The following CLCNKA variants were observed in gnomAD, a reference collection of about 807,000 sequenced individuals.
The protein encoded by CLCNKA is chloride voltage-gated channel Ka, also known as chloride channel protein ClC-Ka.
Under a neutral mutation model 83.3 loss-of-function variants are expected in CLCNKA, and 66 were observed. The observed-to-expected ratio is 0.79, with a 90% CI of 0.65 to 0.97. The LOEUF (loss-of-function observed/expected upper bound fraction) is 0.97, where lower values mean the gene tolerates loss of function less well. CLCNKA is among the 50% of genes least tolerant of loss of function. CLCNKA has a pLI of 0.00. For missense variants in CLCNKA, 806 were observed against 888.7 expected (o/e 0.91, Z 1.18); for synonymous variants, 357 against 370.4 (o/e 0.96, Z 0.42).
chr1:16,027,000 G>A (rs1273597698), intron 7 of CLCNKA: 1 of 658,194 alleles, frequency 1.5e-6, no homozygotes, highest in East Asian at 2.7e-5. Flanking sequence ...ACATTACACA[G>A]ACTTGGGTTT....
In CLCNKA at chr1:16,028,026, G is replaced by A. The variant is rs755086597; in HGVS notation, c.875G>A (p.Cys292Tyr). The A allele has an allele frequency of 1.9e-6, 3 of 1,613,734 alleles. No homozygotes were observed. The highest frequency in any genetic ancestry group is 2.5e-6 in the Non-Finnish European group (3 of 1,179,866). The change falls in exon 10 of 20, where the codon TGC (cysteine) becomes TAC (tyrosine). Residue 292 changes from cysteine (C) to tyrosine (Y), a missense_variant. Cys to Tyr is a radical substitution (Grantham distance 194, BLOSUM62 -2). Transcript: ENST00000331433. Reference sequence around the variant, plus strand: ...CTCCCTTCACCCCGCAGTGGCATCTGCGGCGTCCTGAGCTGTGCTTACCTC... The same window carrying A: ...CTCCCTTCACCCCGCAGTGGCATCTACGGCGTCCTGAGCTGTGCTTACCTC... ...IFFFVALGGI[C>Y]GVLSCAYLFC...
chr1:16,024,684 C>G lies in CLCNKA; in HGVS notation c.230-79C>G, dbSNP rs1251840218. 19 of 1,591,106 alleles carry G rather than the reference C, an allele frequency of 1.2e-5. No individual in the cohort carries two copies. The Admixed American group carries it at 1.9e-4, about 16-fold the overall frequency. ...CCTCTTCGTGACTCCATTTCCTGGTCAGTAAGTGGGCACCACAGTGTCTGG... is the reference window on the plus strand; with the variant it reads ...CCTCTTCGTGACTCCATTTCCTGGTGAGTAAGTGGGCACCACAGTGTCTGG... On this transcript the variant is annotated intron_variant, in intron 3 of 19. Transcript: ENST00000331433.
At position 16,026,554 on chromosome 1, in the gene CLCNKA, T is replaced by A; in HGVS notation, c.517T>A (p.Ser173Thr). The A allele has an allele frequency of 6.2e-7, 1 of 1,613,964 alleles. No homozygotes were observed. The highest frequency in any genetic ancestry group is 8.5e-7 in the Non-Finnish European group (1 of 1,180,002). ...TCTGCAGGGCCCTTTCGTGCACCTG[T>A]CTGTAATGATCGCTGCCTACCTGGG... is the stretch of plus-strand genomic sequence containing the variant. ...LGKVGPFVHL[S>T]VMIAAYLGRV... The change falls in exon 6 of 20, where the codon TCT (serine) becomes ACT (threonine). Residue 173 changes from serine to threonine, a missense_variant. Ser to Thr is a moderately conservative substitution (Grantham distance 58, BLOSUM62 1). Coordinates refer to ENST00000331433, the MANE Select transcript of CLCNKA (RefSeq NM_004070.4).
intron 1 of CLCNKA, among the ~76,000 whole-genome samples, chr1:16,022,317 A>T (rs1437665834): frequency 6.6e-6 from 1 of 152,132 alleles, no homozygotes; most frequent in Non-Finnish European, 1.5e-5. Context: ...GACTGCTCCC[A>T]GTAGTGGAAG....
Position 16,027,871 on chromosome 1 carries a change from G to C in CLCNKA, c.832G>C (p.Asp278His), listed in dbSNP as rs771717536. The C allele has an allele frequency of 6.2e-7, 1 of 1,613,478 alleles. No individual in the cohort carries two copies. The highest frequency in any genetic ancestry group is 8.5e-7 in the Non-Finnish European group (1 of 1,179,796). The change falls in exon 9 of 20, where the codon GAC (aspartate) becomes CAC (histidine). Residue 278 changes from aspartate (D) to histidine (H), a missense_variant. Physicochemically the swap from Asp to His is moderately conservative, Grantham distance 81. Transcript: ENST00000331433. ...CAGTTTCCGGGTGGACGTTCCCTTC[G>C]ACCTGCCTGAGATCTTCTTTTTTGT... is the stretch of plus-strand genomic sequence containing the variant. ...KTSFRVDVPF[D>H]LPEIFFFVAL... is the part of the protein sequence containing the mutation.
rs367945219 is a variant in CLCNKA, at chr1:16,024,008, G to A, written c.229+80G>A. On this transcript the variant is annotated intron_variant, in intron 3 of 19. Transcript: ENST00000331433. ...GGGGATACCAGATGGGCCACCAAGT[G>A]CAGCGGTGCAGGGACGGACCTGGGT... 3.8e-6 allele frequency: 6 copies of A among 1,559,958 alleles called. No homozygotes were observed. In the South Asian group the frequency reaches 6.7e-5, roughly 17 times the overall value.
chr1:16,029,324 G>A (rs770759935), intron 12 of CLCNKA, 25 bp downstream of exon 12: 1 of 1,613,502 alleles, frequency 6.2e-7, no homozygotes, highest in Admixed American at 1.7e-5. Context: ...CCCCAGGTGT[G>A]CACAGAGCCA....
At chr1:16,029,017 T>A in intron 11 of CLCNKA, 109 bp from the exon 12 acceptor site, 1 of 1,540,628 alleles carries the variant, frequency 6.5e-7, no homozygotes, top group South Asian at 1.1e-5. Context: ...GGCCCCCCGC[T>A]GGGAAGTGGC....
At chr1:16,031,194 A>G (rs1246314717) in intron 15 of CLCNKA, among the ~76,000 whole-genome samples, 1 of 152,242 alleles carries the variant, frequency 6.6e-6, no homozygotes, top group Non-Finnish European at 1.5e-5. Context: ...GCCCCGCTCC[A>G]AACACAAACA....
Position 16,022,719 on chromosome 1 carries a change from G to A in CLCNKA, c.100G>A (p.Gly34Ser). Residue 34 changes from glycine to serine, a missense_variant and splice_region_variant, in exon 2 of 20, where the codon GGT (glycine) becomes AGT (serine). Transcript: ENST00000331433. The stretch of plus-strand genomic sequence containing the variant: ...TCCCCACATCCGCCGAGCCATCCAA[G>A]GTGAGAGCCAGGTCCTCTTCCCTAC... ...PCPHIRRAIQ[G>S]GLEWLKQKVF... 3 of 1,529,338 alleles carry A rather than the reference G, an allele frequency of 2.0e-6. No homozygotes were observed. The highest frequency in any genetic ancestry group is 2.6e-6 in the Non-Finnish European group (3 of 1,135,226). 94.7% of individuals were successfully genotyped at this position (1,529,338 alleles called of 1,614,324 possible). A position where few individuals can be genotyped will look rare whatever the true frequency, so the allele number is the denominator to read the frequency against.
intron 4 of CLCNKA, among the ~76,000 whole-genome samples, chr1:16,025,323 C>A (rs958613362): frequency 2.6e-5 from 4 of 152,216 alleles, no homozygotes; most frequent in African/African-American, 9.6e-5. Context: ...CTCTCTGACT[C>A]TAGCATCCAA....
chr1:16,032,553 ACG>A (rs767647214), intron 18 of CLCNKA, 27 bp downstream of exon 18: 17 of 1,570,244 alleles, frequency 1.1e-5, no homozygotes, highest in South Asian at 4.4e-5. Context: ...AGTGTGACAC[ACG>A]CAGCCCCCGG....
intron 8 of CLCNKA, 127 bp downstream of exon 8, chr1:16,027,562 T>C: frequency 2.0e-6 from 3 of 1,512,358 alleles, no homozygotes; most frequent in Non-Finnish European, 2.7e-6. Flanking sequence ...CTCCTCCGTG[T>C]TCCCACCTCC....
intron 2 of CLCNKA, among the ~76,000 whole-genome samples, 155 bp downstream of exon 2, chr1:16,022,874 G>A (rs940501893): frequency 2.6e-5 from 4 of 152,240 alleles, no homozygotes; most frequent in African/African-American, 9.6e-5. Context: ...GAGGGAAGGG[G>A]TCTGTCTGTC....
At position 16,026,765 on chromosome 1, in the gene CLCNKA, T is replaced by A; in HGVS notation, c.645T>A (p.Ala215=). The A allele has an allele frequency of 1.2e-6, 2 of 1,613,504 alleles. No homozygotes were observed. The highest frequency in any genetic ancestry group is 1.7e-6 in the Non-Finnish European group (2 of 1,179,820). ...TGGGCGTGGCCACAGTCTTTGCAGC[T>A]CCCTTCAGCGGTGAGACCCCCCTCA... ...AAVGVATVFA[A]PFSGVLFSIE... The change falls in exon 7 of 20, where the codon GCT becomes GCA. Residue 215 remains alanine, a synonymous_variant. Transcript: ENST00000331433.
intron 4 of CLCNKA, among the ~76,000 whole-genome samples, chr1:16,025,406 C>T (rs1039382587): frequency 2.6e-5 from 4 of 152,258 alleles, no homozygotes; most frequent in Admixed American, 2.0e-4. Context: ...GGTGCAGTGA[C>T]TCAGTCTATA....
At chr1:16,027,965 G>A in intron 9 of CLCNKA, 53 bp from the exon 10 acceptor site, 2 of 1,614,048 alleles carry the variant, frequency 1.2e-6, no homozygotes, top group Non-Finnish European at 1.7e-6. Context: ...GGCCTGGACT[G>A]CGGCCCCTGG....
At chr1:16,027,458 C>T (rs1196589963) in intron 8 of CLCNKA, 23 bp downstream of exon 8, 9 of 1,612,670 alleles carry the variant, frequency 5.6e-6, no homozygotes, top group South Asian at 1.1e-5. Context: ...GGCTGCCTGA[C>T]CCTGGCCCTG....
Position 16,030,051 on chromosome 1 carries a change from A to G in CLCNKA, c.1384A>G (p.Met462Val), listed in dbSNP as rs1240960325. Residue 462 changes from methionine to valine, a missense_variant, in exon 14 of 20, where the codon ATG (methionine) becomes GTG (valine). By Grantham distance (21) the Met-to-Val change is conservative. Transcript: ENST00000331433. ...IVTGGVTNPI[M>V]PGGYALAGAA... ...GACTGGAGGGGTTACCAATCCCATC[A>G]TGCCCGGGGGGTATGCTCTGGCAGG... 85 of 1,608,236 alleles carry G rather than the reference A, an allele frequency of 5.3e-5. No homozygotes were observed. The highest frequency in any genetic ancestry group is 7.0e-5 in the Non-Finnish European group (82 of 1,175,372).
Sources: gnomAD v4.1 joint callset for allele counts (sites outside exome capture counted in the v4.1 genomes callset) on GRCh38, gnomAD v4.1.1 for gene constraint, MANE v1.5 for transcripts, NCBI Gene and HGNC (gene_info 2026-07-23, HGNC 2026-07-21) for gene names.